The following MROH2B variants were observed in gnomAD, a reference collection of about 807,000 sequenced individuals.
MROH2B encodes maestro heat-like repeat-containing protein family member 2B.
MROH2B carries 177 observed loss-of-function variants against 208.6 expected under a neutral mutation model. That is an observed-to-expected ratio of 0.85 (90% CI 0.75 to 0.96). The LOEUF (loss-of-function observed/expected upper bound fraction) is 0.96. Ranked by LOEUF, MROH2B falls within the 40% of genes least tolerant of loss-of-function variation. The pLI is 0.00. For missense variants in MROH2B, 2,002 were observed against 1,878.7 expected, an observed-to-expected ratio of 1.07 and a Z score of -1.21; for synonymous variants, 728 against 659.0, an observed-to-expected ratio of 1.10 and a Z score of -1.60.
At chr5:41,013,938 A>G (rs539764989) in intron 29 of MROH2B, among the ~76,000 whole-genome samples, 24 of 152,168 alleles carry the variant, frequency 1.6e-4, no homozygotes, top group African/African-American at 4.8e-4. Flanking sequence ...GTTTCCTACA[A>G]ACTGACTTCC....
chr5:41,060,009 C>G (rs927260500), intron 6 of MROH2B, among the ~76,000 whole-genome samples: 2 of 152,196 alleles, frequency 1.3e-5, no homozygotes. Context: ...ATCAAAATGT[C>G]TACATCAAAC....
chr5:41,037,936 A>G (rs778441120), intron 21 of MROH2B, among the ~76,000 whole-genome samples: 4 of 152,154 alleles, frequency 2.6e-5, no homozygotes, highest in Non-Finnish European at 5.9e-5. Flanking sequence ...GTATAAAGCA[A>G]TTTATTAAAG....
At chr5:41,054,577 T>C (rs78010677) in intron 11 of MROH2B, among the ~76,000 whole-genome samples, 190 bp downstream of exon 11, 3,085 of 152,314 alleles carry the variant, frequency 0.02, 40 homozygotes, top group Non-Finnish European at 0.027. Flanking sequence ...AGACGTCCTT[T>C]AGCTGTGTGT....
intron 19 of MROH2B, among the ~76,000 whole-genome samples, chr5:41,041,554 G>A (rs535190905): frequency 6.6e-6 from 1 of 152,134 alleles, no homozygotes; most frequent in African/African-American, 2.4e-5. Flanking sequence ...AACCTGGGAG[G>A]CAGAGTTTGC....
rs1743269288 is a variant in MROH2B at position 41,051,039 on chromosome 5, C to G, written c.1282G>C (p.Val428Leu). The G allele has an allele frequency of 6.4e-7, 1 of 1,563,326 alleles. No homozygotes were observed. ...FHENEKEEES[V>L]RETSLEVLKT... ...AAGACCTCAAGGCTTGTTTCTCGGA[C>G]AGATTCCTCTTCCTTTTCATTCTCA... Residue 428 changes from valine to leucine, a missense_variant, in exon 13 of 42, where the codon GTC (valine) becomes CTC (leucine). Physicochemically the swap from Val to Leu is conservative, Grantham distance 32 (BLOSUM62 1). Coordinates refer to ENST00000399564, the MANE Select transcript of MROH2B (RefSeq NM_173489.5).
At position 41,053,176 on chromosome 5, in the gene MROH2B, T is replaced by A. The variant is rs1361303394; in HGVS notation, c.1108-589A>T. Among the ~76,000 whole-genome samples, 4 of 152,180 alleles carry A rather than the reference T, an allele frequency of 2.6e-5. No individual in the cohort carries two copies. In the East Asian group the frequency reaches 7.7e-4, roughly 29 times the overall value. Reference sequence around the variant, plus strand: ...TAACAGACAACTGTTTATTCACAATTTCAGAGTCCAAACAACTATGAAAAC... The same window carrying A: ...TAACAGACAACTGTTTATTCACAATATCAGAGTCCAAACAACTATGAAAAC... On this transcript the variant is annotated intron_variant, in intron 11 of 41. Coordinates refer to ENST00000399564, the MANE Select transcript of MROH2B (RefSeq NM_173489.5).
chr5:41,021,407 C>T (rs772031591), intron 24 of MROH2B, among the ~76,000 whole-genome samples: 1 of 152,076 alleles, frequency 6.6e-6, no homozygotes, highest in African/African-American at 2.4e-5. Flanking sequence ...TATCAAAATA[C>T]CAAGGGTGCT....
chr5:41,019,207 G>A (rs1382505903), intron 24 of MROH2B, among the ~76,000 whole-genome samples, 189 bp from the exon 25 acceptor site: 1 of 152,080 alleles, frequency 6.6e-6, no homozygotes, highest in East Asian at 1.9e-4. Context: ...AGACTGCATT[G>A]GTGAGCATAC....
Position 41,017,944 on chromosome 5 carries a change from T to C in MROH2B, c.2790A>G (p.Ser930=), listed in dbSNP as rs1370769297. 7.6e-6 allele frequency: 12 copies of C among 1,578,534 alleles called. No homozygotes were observed. The highest frequency in any genetic ancestry group is 1.0e-5 in the Non-Finnish European group (12 of 1,160,868). ...AGTGAGGAGCCAGAAGTCCAAGCAG[T>C]GAACCAATTTTAAAGTTCTCTGGTG... is the stretch of plus-strand genomic sequence containing the variant. The part of the protein sequence containing the change: ...IEAPENFKIG[S]LLGLLAPHSC... Residue 930 remains serine, a synonymous_variant, in exon 28 of 42, where the codon TCA becomes TCG. Transcript: ENST00000399564.
chr5:41,045,856 G>T lies in MROH2B; in HGVS notation c.1729-3C>A, dbSNP rs753203787. On this transcript the variant is annotated splice_polypyrimidine_tract_variant and splice_region_variant and intron_variant, in intron 17 of 41. Coordinates refer to ENST00000399564, the MANE Select transcript of MROH2B (RefSeq NM_173489.5). ...TTCCATAAGGATTCTTTGAGCAACT[G>T]TTGTAGGAAGTGGAAGTTAGATGTG... 1.3e-5 allele frequency: 21 copies of T among 1,604,818 alleles called. No homozygotes were observed. The highest frequency in any genetic ancestry group is 1.7e-5 in the Admixed American group (1 of 59,918).
At chr5:41,042,327 T>A in intron 18 of MROH2B, 119 bp from the exon 19 acceptor site, 2 of 595,436 alleles carry the variant, frequency 3.4e-6, no homozygotes, top group Non-Finnish European at 6.0e-6. Flanking sequence ...TTAATAACCA[T>A]GTACCTCAAG....
At chr5:41,032,878 T>C (rs2150166812) in intron 23 of MROH2B, 57 bp from the exon 24 acceptor site, 2 of 1,570,738 alleles carry the variant, frequency 1.3e-6, no homozygotes, top group South Asian at 2.3e-5. Flanking sequence ...AGTTACCAGA[T>C]GCAGCTGCAA....
At chr5:41,067,797 T>C (rs1369694534) in intron 2 of MROH2B, among the ~76,000 whole-genome samples, 1 of 152,208 alleles carries the variant, frequency 6.6e-6, no homozygotes, top group Non-Finnish European at 1.5e-5. Context: ...CAGGAGAGGC[T>C]ACCTGCCATT....
chr5:41,022,749 A>T (rs1410986354), intron 24 of MROH2B, among the ~76,000 whole-genome samples: 2 of 152,306 alleles, frequency 1.3e-5, no homozygotes, highest in African/African-American at 4.8e-5. Flanking sequence ...TGCCTCCTCA[A>T]GTGGGTCCCT....
intron 9 of MROH2B, 59 bp from the exon 10 acceptor site, chr5:41,055,914 T>C: frequency 8.4e-7 from 1 of 1,195,762 alleles, no homozygotes. Context: ...AAAATACTTG[T>C]GAATGGGAGG....
intron 35 of MROH2B, 118 bp downstream of exon 35, chr5:41,005,413 A>AGCAC (rs35848875): frequency 9.8e-6 from 2 of 204,606 alleles, no homozygotes; most frequent in South Asian, 5.0e-5. Context: ...CCTCTATGAA[A>AGCAC]CCCCCCCCCC....
chr5:41,037,894 T>A (rs548475660), intron 21 of MROH2B, among the ~76,000 whole-genome samples: 3 of 152,206 alleles, frequency 2.0e-5, no homozygotes, highest in Admixed American at 6.5e-5. Flanking sequence ...GCCAGCCTGG[T>A]ATTTGTCAGC....
At chr5:41,019,129 A>G in intron 24 of MROH2B, 111 bp from the exon 25 acceptor site, 1 of 1,281,728 alleles carries the variant, frequency 7.8e-7, no homozygotes, top group Non-Finnish European at 1.1e-6. Context: ...AACGTGTCAC[A>G]TTTTCTGACA....
At chr5:41,005,979 C>A (rs762397404) in intron 34 of MROH2B, among the ~76,000 whole-genome samples, 1 of 146,302 alleles carries the variant, frequency 6.8e-6, no homozygotes, top group Non-Finnish European at 1.5e-5. Flanking sequence ...TGCAGTCAGC[C>A]GAGATCGCGC....
Sources: gnomAD v4.1 joint callset for allele counts (sites outside exome capture counted in the v4.1 genomes callset) on GRCh38, gnomAD v4.1.1 for gene constraint, MANE v1.5 for transcripts, NCBI Gene and HGNC (gene_info 2026-07-23, HGNC 2026-07-21) for gene names.